KCNMB2: variants seen among roughly 807,000 people sequenced by gnomAD.
KCNMB2 encodes the protein calcium-activated potassium channel subunit beta-2.
A neutral mutation model predicts 24.5 loss-of-function variants in KCNMB2; 9 were observed. The observed-to-expected ratio is 0.37, with a 90% CI of 0.22 to 0.64. The LOEUF (loss-of-function observed/expected upper bound fraction) is 0.64, where lower values mean the gene tolerates loss of function less well. KCNMB2 is among the 30% of genes least tolerant of loss of function. The pLI is 0.63. For synonymous variants in KCNMB2, 109 were observed against 104.4 expected (o/e 1.04, Z -0.27); for missense variants, 226 against 284.3 (o/e 0.79, Z 1.47).
At chr3:178,759,434 GATATATATATAT>G (rs201627319) in intron 1 of KCNMB2, among the ~76,000 whole-genome samples, 1 of 17,632 alleles carries the variant, frequency 5.7e-5, no homozygotes, top group African/African-American at 3.3e-4. Flanking sequence ...TCTCCAAGAG[GATATATATATAT>G]ATATATATAT....
chr3:178,754,150 G>GTA (rs755809548), intron 1 of KCNMB2, among the ~76,000 whole-genome samples: 19,526 of 105,746 alleles, frequency 0.18, 1,534 homozygotes, highest in Middle Eastern at 0.25. Context: ...ATATTCCATT[G>GTA]TATATATATA....
At chr3:178,551,353 T>C (rs2108454997) in intron 1 of KCNMB2, among the ~76,000 whole-genome samples, 1 of 152,280 alleles carries the variant, frequency 6.6e-6, no homozygotes, top group South Asian at 2.1e-4. Context: ...ACAGAAAAAC[T>C]GAAGTTAAAA....
chr3:178,735,757 CAG>C (rs1429530872), intron 1 of KCNMB2, among the ~76,000 whole-genome samples: 1 of 152,142 alleles, frequency 6.6e-6, no homozygotes, highest in Non-Finnish European at 1.5e-5. Context: ...TCTCAAAAGA[CAG>C]AGCAGAATCA....
chr3:178,784,314 T>C (rs1298313300), intron 1 of KCNMB2, among the ~76,000 whole-genome samples: 2 of 152,174 alleles, frequency 1.3e-5, no homozygotes, highest in Non-Finnish European at 2.9e-5. Flanking sequence ...AGAGGTTAAC[T>C]AGCTTACCCC....
intron 1 of KCNMB2, among the ~76,000 whole-genome samples, chr3:178,597,769 T>C (rs561814128): frequency 6.6e-6 from 1 of 152,212 alleles, no homozygotes; most frequent in African/African-American, 2.4e-5. Flanking sequence ...CTACCGTGGG[T>C]TGTGTTTGGC....
intron 1 of KCNMB2, among the ~76,000 whole-genome samples, chr3:178,573,585 A>T (rs895300128): frequency 7.4e-6 from 1 of 136,014 alleles, no homozygotes; most frequent in Non-Finnish European, 1.6e-5. Context: ...ACAAAACATA[A>T]AAAAAAAAAA....
At chr3:178,570,635 G>C (rs1482893984) in intron 1 of KCNMB2, among the ~76,000 whole-genome samples, 2 of 146,492 alleles carry the variant, frequency 1.4e-5, no homozygotes, top group Non-Finnish European at 3.0e-5. Flanking sequence ...ACTAGCTATT[G>C]TGGAGAGAAA....
At chr3:178,683,783 GGTT>G (rs1560165119) in intron 1 of KCNMB2, among the ~76,000 whole-genome samples, 1 of 152,114 alleles carries the variant, frequency 6.6e-6, no homozygotes, top group African/African-American at 2.4e-5. Context: ...TCATCTGCCT[GGTT>G]ATTATCAAAA....
chr3:178,759,468 G>GATAT (rs1274470512), intron 1 of KCNMB2, among the ~76,000 whole-genome samples: 1 of 21,728 alleles, frequency 4.6e-5, no homozygotes, highest in Non-Finnish European at 8.0e-5. Context: ...TCTCCAAGAG[G>GATAT]ATATATATAT....
At chr3:178,695,102 C>A (rs1436709418) in intron 1 of KCNMB2, among the ~76,000 whole-genome samples, 1 of 152,244 alleles carries the variant, frequency 6.6e-6, no homozygotes, top group Non-Finnish European at 1.5e-5. Flanking sequence ...TTGTATGCTA[C>A]ACACTGCAGG....
intron 1 of KCNMB2, among the ~76,000 whole-genome samples, chr3:178,727,901 G>A (rs954278406): frequency 7.2e-5 from 11 of 152,178 alleles, no homozygotes; most frequent in Non-Finnish European, 1.5e-4. Flanking sequence ...CAGGTTAAAT[G>A]CTACTTTTAA....
intron 1 of KCNMB2, among the ~76,000 whole-genome samples, chr3:178,713,579 A>AT (rs1320040656): frequency 6.6e-6 from 1 of 152,204 alleles, no homozygotes; most frequent in Non-Finnish European, 1.5e-5. Flanking sequence ...TTGGGGCAAC[A>AT]TCTTGCAGTA....
intron 1 of KCNMB2, among the ~76,000 whole-genome samples, chr3:178,539,995 T>A (rs1715563933): frequency 6.6e-6 from 1 of 152,154 alleles, no homozygotes; most frequent in South Asian, 2.1e-4. Context: ...TGACTTTTCC[T>A]CTAACCTCCA....
chr3:178,755,465 T>C (rs1231266955), intron 1 of KCNMB2, among the ~76,000 whole-genome samples: 2 of 152,218 alleles, frequency 1.3e-5, no homozygotes, highest in African/African-American at 4.8e-5. Context: ...TATCTTTCCT[T>C]TGGTTGAGGT....
At chr3:178,781,794 T>G (rs2108432058) in intron 1 of KCNMB2, among the ~76,000 whole-genome samples, 1 of 151,882 alleles carries the variant, frequency 6.6e-6, no homozygotes, top group South Asian at 2.1e-4. Flanking sequence ...CTTTTTTTTT[T>G]CTTTTTTTAT....
At chr3:178,712,970 C>T (rs2108351325) in intron 1 of KCNMB2, among the ~76,000 whole-genome samples, 1 of 152,316 alleles carries the variant, frequency 6.6e-6, no homozygotes, top group African/African-American at 2.4e-5. Flanking sequence ...CCACAGGGGG[C>T]TGGAAACAAG....
chr3:178,613,589 A>G (rs892915240), intron 1 of KCNMB2, among the ~76,000 whole-genome samples: 5 of 152,028 alleles, frequency 3.3e-5, no homozygotes, highest in Non-Finnish European at 5.9e-5. Flanking sequence ...GATGAAGGAT[A>G]TTTTCACCAG....
chr3:178,734,821 G>A (rs1577135993), intron 1 of KCNMB2, among the ~76,000 whole-genome samples: 1 of 152,226 alleles, frequency 6.6e-6, no homozygotes, highest in Non-Finnish European at 1.5e-5. Flanking sequence ...GGCCTACCAA[G>A]AACCACTTTT....
chr3:178,810,005 A>C (rs979990908), intron 2 of KCNMB2, among the ~76,000 whole-genome samples: 2 of 150,442 alleles, frequency 1.3e-5, no homozygotes, highest in Admixed American at 6.7e-5. Flanking sequence ...GTTGGAAGTT[A>C]ATTTGTCTGT....
Sources: allele counts gnomAD v4.1 joint callset (sites outside exome capture counted in the v4.1 genomes callset), GRCh38; gene constraint gnomAD v4.1.1; transcripts MANE v1.5; gene names NCBI Gene and HGNC (gene_info 2026-07-23, HGNC 2026-07-21).